KRT85: variants seen among roughly 807,000 people sequenced by gnomAD.
KRT85 encodes keratin, type II cuticular Hb5.
Under a neutral mutation model 53.7 loss-of-function variants are expected in KRT85, and 39 were observed. The observed-to-expected ratio is 0.73, with a 90% confidence interval of 0.56 to 0.95. The LOEUF is 0.95. Among genes scored for constraint, KRT85 ranks in the 40% least tolerant of loss-of-function variants. The pLI, the probability that KRT85 is intolerant of heterozygous loss-of-function variation, is 0.00. For missense variants in KRT85, 668 were observed against 686.0 expected (o/e 0.97, Z 0.29); for synonymous variants, 291 against 277.5 (o/e 1.05, Z -0.48).
chr12:52,362,818 C>A, intron 6 of KRT85, 36 bp downstream of exon 6: 3 of 1,614,158 alleles, frequency 1.9e-6, no homozygotes, highest in Non-Finnish European at 2.5e-6. Flanking sequence ...CTGCAGCCTG[C>A]CTGTGCTGCG....
intron 7 of KRT85, 122 bp from the exon 8 acceptor site, chr12:52,361,620 G>T: frequency 3.4e-6 from 3 of 871,594 alleles, no homozygotes; most frequent in Admixed American, 3.5e-5. Flanking sequence ...GGCAAGAAGG[G>T]CTCCCTCAAA....
At chr12:52,362,114 GTTA>G (rs759525051) in intron 7 of KRT85, 134 bp downstream of exon 7, 612 of 1,078,962 alleles carry the variant, frequency 5.7e-4, no homozygotes, top group Non-Finnish European at 7.3e-4. Context: ...GAAGCATTCA[GTTA>G]TTATTATTAT....
rs757891287 is a variant in KRT85, at chr12:52,362,275, C to T, written c.1274G>A (p.Arg425His). The change falls in exon 7 of 9, where the codon CGC (arginine) becomes CAC (histidine). Residue 425 changes from arginine to histidine, a missense_variant. By Grantham distance (29) the Arg-to-His change is conservative. Transcript: ENST00000257901. Reference protein sequence around the residue: ...GLDIEIATYRRLLEGEEHRLC... With the variant: ...GLDIEIATYRHLLEGEEHRLC... ...CCTGTGTTCCTCGCCCTCCAGCAGG[C>T]GCCTGTAGGTGGCGATCTCGATGTC... The T allele has an allele frequency of 3.0e-5, 49 of 1,614,000 alleles. No individual in the cohort carries two copies. The highest frequency in any genetic ancestry group is 2.2e-4 in the Admixed American group (13 of 60,004).
intron 2 of KRT85, 161 bp from the exon 3 acceptor site, chr12:52,364,527 C>T: frequency 2.0e-6 from 3 of 1,497,466 alleles, no homozygotes; most frequent in Non-Finnish European, 1.8e-6. Flanking sequence ...ATGGGCCAGC[C>T]CTTGTCCTAG....
At position 52,367,453 on chromosome 12, in the gene KRT85, C is replaced by A. The variant is rs755224204; in HGVS notation, c.-48G>T. 2.5e-6 allele frequency: 4 copies of A among 1,590,382 alleles called. No individual in the cohort carries two copies. In the Admixed American group the frequency reaches 6.8e-5, roughly 27 times the overall value. ...GAGAGGCAGCGGAAGGTGGTGCGGG[C>A]GGCAGAGTGCGAGGCTCAGGATCCT... On this transcript the variant is annotated 5_prime_UTR_variant, in exon 1 of 9. Transcript: ENST00000257901.
chr12:52,364,660 G>A (rs893589221), intron 2 of KRT85: 28 of 1,437,560 alleles, frequency 1.9e-5, no homozygotes, highest in Middle Eastern at 2.6e-4. Context: ...CCATTGGCAG[G>A]GAGATCACAG....
chr12:52,363,275 C>T lies in KRT85; in HGVS notation c.922G>A (p.Ala308Thr), dbSNP rs773004949. 3.1e-6 allele frequency: 5 copies of T among 1,614,228 alleles called. No individual in the cohort carries two copies. The South Asian group carries it at 3.3e-5, about 11-fold the overall frequency. ...CTACGGTACCAGGACTCAGCCTCGG[C>T]CCGGCTGCGGCTGGCAACATCGTCA... ...QYDDVASRSR[A>T]EAESWYRSKC... The change falls in exon 5 of 9, where the codon GCC (alanine) becomes ACC (threonine). Residue 308 changes from alanine to threonine, a missense_variant. This residue lies in a region of KRT85 where 488 missense variants were observed against 498.1 expected (regional missense o/e 0.98). Coordinates refer to ENST00000257901, the MANE Select transcript of KRT85 (RefSeq NM_002283.4).
Position 52,363,391 on chromosome 12 carries a change from G to T in KRT85, c.806C>A (p.Ala269Asp), listed in dbSNP as rs2121402331. The change falls in exon 5 of 9, where the codon GCC (alanine) becomes GAC (aspartate). Residue 269 changes from alanine (A) to aspartate (D), a missense_variant. By Grantham distance (126) the Ala-to-Asp change is moderately radical. Coordinates refer to ENST00000257901, the MANE Select transcript of KRT85 (RefSeq NM_002283.4). ...TATGACCGAGGTGTCTGAGATGTGG[G>T]CTTGGAGAACGCGGATCTCCTGTGG... ...LYEEEIRVLQ[A>D]HISDTSVIVK... The T allele has an allele frequency of 6.2e-7, 1 of 1,614,168 alleles. No individual in the cohort carries two copies. Among genetic ancestry groups the T allele is most frequent in the East Asian group, 2.2e-5 (1 of 44,876 alleles).
At chr12:52,363,070 CAGCCTG>C in intron 5 of KRT85, 91 bp from the exon 6 acceptor site, 1 of 1,598,460 alleles carries the variant, frequency 6.3e-7, no homozygotes, top group African/African-American at 1.3e-5. Flanking sequence ...GTACGGTGCT[CAGCCTG>C]TGCAACCACA....
At position 52,363,296 on chromosome 12, in the gene KRT85, C is replaced by G; in HGVS notation, c.901G>C (p.Asp301His). Residue 301 changes from aspartate to histidine, a missense_variant, in exon 5 of 9, where the codon GAT (aspartate) becomes CAT (histidine). Physicochemically the swap from Asp to His is moderately conservative, Grantham distance 81. This residue lies in a region of KRT85 where 488 missense variants were observed against 498.1 expected (regional missense o/e 0.98). Transcript: ENST00000257901. ...IIAEIKAQYD[D>H]VASRSRAEAE... ...TCGGCCCGGCTGCGGCTGGCAACAT[C>G]GTCATACTGAGCCTTGATCTCAGCG... 2 of 1,614,204 alleles carry G rather than the reference C, an allele frequency of 1.2e-6. No individual in the cohort carries two copies. The highest frequency in any genetic ancestry group is 1.7e-6 in the Non-Finnish European group (2 of 1,180,032).
Position 52,366,968 on chromosome 12 carries a change from G to T in KRT85, c.420+18C>A. ...ACAGGGCTGGAGGCTTCTCTGGGCC[G>T]TCTCAGGCCTCACCCACCTTGTCGA... On this transcript the variant is annotated intron_variant, in intron 1 of 8. Coordinates refer to ENST00000257901, the MANE Select transcript of KRT85 (RefSeq NM_002283.4). 1.2e-6 allele frequency: 2 copies of T among 1,613,990 alleles called. No individual in the cohort carries two copies. The highest frequency in any genetic ancestry group is 1.7e-6 in the Non-Finnish European group (2 of 1,179,880).
chr12:52,364,082 G>T lies in KRT85; in HGVS notation c.772C>A (p.Arg258Ser), dbSNP rs781569242. ...ALVEESSFLRRLYEEEIRVLQ... is the reference protein window; with the variant it reads ...ALVEESSFLRSLYEEEIRVLQ... ...TGCCCCCTTACCTCTTCATAGAGGC[G>T]CCTCAGGAAGCTAGACTCCTCCACC... The change falls in exon 4 of 9, where the codon CGC becomes AGC. Residue 258 changes from arginine to serine, a missense_variant. Arg to Ser is a moderately radical substitution (Grantham distance 110, BLOSUM62 -1). Coordinates refer to ENST00000257901, the MANE Select transcript of KRT85 (RefSeq NM_002283.4). The T allele has an allele frequency of 1.2e-6, 2 of 1,613,454 alleles. No homozygotes were observed. Among genetic ancestry groups the T allele is most frequent in the African/African-American group, 1.3e-5 (1 of 74,862 alleles).
chr12:52,361,169 G>A lies in KRT85; in HGVS notation c.1331-123C>T, dbSNP rs1732245. The stretch of plus-strand genomic sequence containing the variant: ...AAGGAATTGGTGGTCAACAATGCAG[G>A]CCCTGTCCCTGAGATGCACAGCCCA... On this transcript the variant is annotated intron_variant, in intron 8 of 8. Transcript: ENST00000257901. 5.2e-3 allele frequency: 4,727 copies of A among 904,790 alleles called. 128 individuals are homozygous for A. In the African/African-American group the frequency reaches 0.067, roughly 13 times the overall value. The allele number at this position is 904,790 out of a possible 1,614,324, so 56.0% of individuals were successfully genotyped here.
chr12:52,362,400 G>C lies in KRT85; in HGVS notation c.1149C>G (p.Cys383Trp). 6.2e-7 allele frequency: 1 copy of C among 1,614,218 alleles called. No homozygotes were observed. The highest frequency in any genetic ancestry group is 1.1e-5 in the South Asian group (1 of 91,080). ...GGGCGCCCTCCAGCTCAGCCAGCTT[G>C]CAGCGGGCATCGCTGAGGGCCGCCT... ...QGEAALSDAR[C>W]KLAELEGALQ... is the part of the protein sequence containing the mutation. The change falls in exon 7 of 9, where the codon TGC (cysteine) becomes TGG (tryptophan). Residue 383 changes from cysteine (C) to tryptophan (W), a missense_variant. Transcript: ENST00000257901.
At chr12:52,365,217 G>A (rs1939255286) in intron 1 of KRT85, 47 bp from the exon 2 acceptor site, 1 of 1,586,896 alleles carries the variant, frequency 6.3e-7, no homozygotes, top group Non-Finnish European at 8.6e-7. Flanking sequence ...CTGGGGGGAG[G>A]CACCTGGTCC....
chr12:52,362,728 A>C (rs1939211210), intron 6 of KRT85, 126 bp downstream of exon 6: 1 of 1,480,690 alleles, frequency 6.8e-7, no homozygotes, highest in Non-Finnish European at 9.4e-7. Flanking sequence ...GATTGCTGTG[A>C]AATATGATAG....
Position 52,362,491 on chromosome 12 carries a change from G to C in KRT85, c.1078-20C>G. On this transcript the variant is annotated intron_variant, in intron 6 of 8. Transcript: ENST00000257901. ...GGCACGCTATCAGGTGGAGATACAA[G>C]GGCCAGGATGAGAAAGAGAAGCCAC... 6.2e-7 allele frequency: 1 copy of C among 1,613,212 alleles called. No individual in the cohort carries two copies. The highest frequency in any genetic ancestry group is 8.5e-7 in the Non-Finnish European group (1 of 1,179,616).
intron 1 of KRT85, among the ~76,000 whole-genome samples, chr12:52,366,196 G>T (rs947208758): frequency 6.6e-6 from 1 of 152,240 alleles, no homozygotes; most frequent in African/African-American, 2.4e-5. Flanking sequence ...CCACCTCCCT[G>T]TCTGCATTTC....
Position 52,362,960 on chromosome 12 carries a change from G to A in KRT85, c.971C>T (p.Thr324Met), listed in dbSNP as rs148224168. 542 of 1,614,090 alleles carry A rather than the reference G, an allele frequency of 3.4e-4. 1 individual carries two copies. The African/African-American group carries it at 6.0e-3, about 18-fold the overall frequency. ...YRSKCEEMKA[T>M]VIRHGETLRR... The stretch of plus-strand genomic sequence containing the variant: ...CAGGGTCTCCCCATGCCTGATCACC[G>A]TGGCCTTCATCTCCTCACACTGGAG... Residue 324 changes from threonine to methionine, a missense_variant, in exon 6 of 9, where the codon ACG becomes ATG. Around this residue, in one of 3 missense-constraint regions of KRT85, gnomAD observed 488 missense variants for 498.1 expected, o/e 0.98. Coordinates refer to ENST00000257901, the MANE Select transcript of KRT85 (RefSeq NM_002283.4).
Sources: gnomAD v4.1 joint callset for allele counts (sites outside exome capture counted in the v4.1 genomes callset) on GRCh38, gnomAD v4.1.1 for gene constraint, gnomAD v4.1.1 regional missense constraint, MANE v1.5 for transcripts, NCBI Gene and HGNC (gene_info 2026-07-23, HGNC 2026-07-21) for gene names.